GALNT2: variants seen among roughly 807,000 people sequenced by gnomAD.
GALNT2 encodes the protein polypeptide N-acetylgalactosaminyltransferase 2, also known as UDP-GalNAc:polypeptide N-acetylgalactosaminyltransferase 2.
Under a neutral mutation model 81.4 loss-of-function variants are expected in GALNT2, and 31 were observed. That is an observed-to-expected ratio of 0.38 (90% confidence interval 0.29 to 0.51). The LOEUF is 0.51. Among genes scored for constraint, GALNT2 ranks in the 20% least tolerant of loss-of-function variants. The pLI, the probability that GALNT2 is intolerant of heterozygous loss-of-function variation, is 0.87. For missense variants in GALNT2, 629 were observed against 765.7 expected, an observed-to-expected ratio of 0.82 and a Z score of 2.11; for synonymous variants, 303 against 287.4, an observed-to-expected ratio of 1.05 and a Z score of -0.55.
At chr1:230,244,481 C>A in intron 7 of GALNT2, among the ~76,000 whole-genome samples, 1 of 150,692 alleles carries the variant, frequency 6.6e-6, no homozygotes. Context: ...CCCCACCCAC[C>A]CCAACCCCAC....
At chr1:230,149,891 T>G (rs543637052) in intron 1 of GALNT2, among the ~76,000 whole-genome samples, 1 of 152,286 alleles carries the variant, frequency 6.6e-6, no homozygotes, top group South Asian at 2.1e-4. Flanking sequence ...CCGAATTGTT[T>G]CAGCAGGGCT....
At chr1:230,061,858 C>T (rs1659056846) in intron 1 of GALNT2, among the ~76,000 whole-genome samples, 1 of 152,160 alleles carries the variant, frequency 6.6e-6, no homozygotes. Context: ...CAGTGAAAAC[C>T]AGCAAACCTT....
At chr1:230,229,392 A>G (rs1233034433) in intron 3 of GALNT2, among the ~76,000 whole-genome samples, 1 of 152,214 alleles carries the variant, frequency 6.6e-6, no homozygotes, top group East Asian at 1.9e-4. Context: ...TGACTACTTC[A>G]TACCAATCTG....
intron 1 of GALNT2, among the ~76,000 whole-genome samples, chr1:230,148,040 A>G (rs966685727): frequency 1.3e-5 from 2 of 152,204 alleles, no homozygotes; most frequent in African/African-American, 4.8e-5. Flanking sequence ...GTATTATTAC[A>G]TACAGGTGCA....
At position 230,281,208 on chromosome 1, in the gene GALNT2, T is replaced by C. The variant is rs1395532121; in HGVS notation, c.*1750T>C. ...CTTCCTCCCCGGCGGGAGCCCCACA[T>C]GTGTGCACTGTAGGACAGCGGCCCC... On this transcript the variant is annotated 3_prime_UTR_variant, in exon 16 of 16. Coordinates refer to ENST00000366672, the MANE Select transcript of GALNT2 (RefSeq NM_004481.5). 1 of 152,304 alleles carries C rather than the reference T, an allele frequency of 6.6e-6. No homozygotes were observed. The highest frequency in any genetic ancestry group is 1.5e-5 in the Non-Finnish European group (1 of 68,186). 9.4% of individuals were successfully genotyped at this position (152,304 alleles called of 1,614,324 possible).
At chr1:230,197,601 A>G (rs1283395093) in intron 2 of GALNT2, among the ~76,000 whole-genome samples, 2 of 152,082 alleles carry the variant, frequency 1.3e-5, no homozygotes, top group Non-Finnish European at 2.9e-5. Flanking sequence ...AGTTAATTTT[A>G]TAGTTAGTAG....
Position 230,183,900 on chromosome 1 carries a change from C to T in GALNT2, c.220+5589C>T, listed in dbSNP as rs184569164. On this transcript the variant is annotated intron_variant, in intron 2 of 15. Coordinates refer to ENST00000366672, the MANE Select transcript of GALNT2 (RefSeq NM_004481.5). ...GGCTGAGGCAGGAGAATCGCTGGAA[C>T]CTGGGAGGCGGAGGCTGCAGTGAGC... is the stretch of plus-strand genomic sequence containing the variant. Among the ~76,000 whole-genome samples the T allele has an allele frequency of 7.0e-3, 1,065 of 152,076 alleles. 13 individuals are homozygous for T. Among genetic ancestry groups the T allele is most frequent in the Non-Finnish European group, 0.013 (868 of 67,976 alleles).
intron 1 of GALNT2, among the ~76,000 whole-genome samples, chr1:230,091,226 A>T (rs996753789): frequency 6.9e-6 from 1 of 145,320 alleles, no homozygotes; most frequent in Admixed American, 6.9e-5. Flanking sequence ...GTGTCACCAC[A>T]TACTAATTTT....
chr1:230,130,360 T>TC (rs1214040138), intron 1 of GALNT2, among the ~76,000 whole-genome samples: 4 of 152,006 alleles, frequency 2.6e-5, no homozygotes, highest in Non-Finnish European at 5.9e-5. Flanking sequence ...TAGCATGGGG[T>TC]CTGGCACTTA....
chr1:230,118,219 C>T (rs573744364), intron 1 of GALNT2, among the ~76,000 whole-genome samples: 1 of 152,322 alleles, frequency 6.6e-6, no homozygotes, highest in East Asian at 1.9e-4. Flanking sequence ...GGATATACCA[C>T]AGTTAATCCA....
chr1:230,161,312 T>C (rs1438177736), intron 1 of GALNT2, among the ~76,000 whole-genome samples: 2 of 152,200 alleles, frequency 1.3e-5, no homozygotes, highest in Non-Finnish European at 2.9e-5. Flanking sequence ...CCAGCTTCCT[T>C]ACACCATGGT....
intron 1 of GALNT2, among the ~76,000 whole-genome samples, chr1:230,099,980 T>C (rs1166313108): frequency 6.6e-6 from 1 of 152,220 alleles, no homozygotes; most frequent in African/African-American, 2.4e-5. Flanking sequence ...ACATTTTTTA[T>C]TCCCAACCAA....
At chr1:230,231,991 T>C (rs1664879887) in intron 3 of GALNT2, among the ~76,000 whole-genome samples, 2 of 152,354 alleles carry the variant, frequency 1.3e-5, no homozygotes, top group East Asian at 1.9e-4. Context: ...AGCTCAAGTA[T>C]GAAAGTGCCC....
chr1:230,279,953 CCTCT>C lies in GALNT2; in HGVS notation c.*500_*503del, dbSNP rs1216628910. On this transcript the variant is annotated 3_prime_UTR_variant, in exon 16 of 16. Transcript: ENST00000366672. The surrounding 1 kb of genome is among the most constrained non-coding windows in gnomAD (Gnocchi z 4.6). ...ACGTGGCAGGTTTACGTCAATAGTC[CCTCT>C]CTCTGCTCCTCCATTCGCAAGTGTC... The C allele has an allele frequency of 8.8e-6, 4 of 456,216 alleles. No homozygotes were observed. Among genetic ancestry groups the C allele is most frequent in the African/African-American group, 8.0e-5 (4 of 50,076 alleles). The allele number at this position is 456,216 out of a possible 1,614,324, so 28.3% of individuals were successfully genotyped here. A position where few individuals can be genotyped will look rare whatever the true frequency, so the allele number is the denominator to read the frequency against.
At chr1:230,115,648 G>C (rs895864533) in intron 1 of GALNT2, among the ~76,000 whole-genome samples, 6 of 152,152 alleles carry the variant, frequency 3.9e-5, no homozygotes, top group African/African-American at 1.4e-4. Context: ...TGGTGGCTGC[G>C]ACAGTTTCTT....
chr1:230,103,099 A>G (rs1410496502), intron 1 of GALNT2, among the ~76,000 whole-genome samples: 1 of 152,226 alleles, frequency 6.6e-6, no homozygotes, highest in African/African-American at 2.4e-5. Flanking sequence ...ATTTGGAGGA[A>G]TTGTAAAGAG....
chr1:230,205,962 G>A (rs376486890), intron 3 of GALNT2, among the ~76,000 whole-genome samples: 30 of 152,306 alleles, frequency 2.0e-4, no homozygotes, highest in African/African-American at 6.0e-4. Context: ...ACCAGAAAGC[G>A]TCCGTGTAGC....
chr1:230,068,443 C>T (rs1571922737), intron 1 of GALNT2, among the ~76,000 whole-genome samples: 1 of 152,240 alleles, frequency 6.6e-6, no homozygotes, highest in South Asian at 2.1e-4. Context: ...GTTATCTTTT[C>T]CGAATTCCTG....
chr1:230,158,608 C>G (rs1046184167), intron 1 of GALNT2, among the ~76,000 whole-genome samples: 1 of 152,220 alleles, frequency 6.6e-6, no homozygotes, highest in African/African-American at 2.4e-5. Context: ...GGCCACGGAA[C>G]TGGAGATGCC....
Sources: allele counts gnomAD v4.1 joint callset (sites outside exome capture counted in the v4.1 genomes callset), GRCh38; gene constraint gnomAD v4.1.1; non-coding constraint Gnocchi (gnomAD v3.1); transcripts MANE v1.5; gene names NCBI Gene and HGNC (gene_info 2026-07-23, HGNC 2026-07-21).